RIT2: variants seen among roughly 807,000 people sequenced by gnomAD.
The protein encoded by RIT2 is GTP-binding protein Rit2.
A neutral mutation model predicts 23.7 loss-of-function variants in RIT2; 24 were observed. The observed-to-expected ratio is 1.01, with a 90% CI of 0.73 to 1.43. RIT2 has a LOEUF of 1.43. Ranked by LOEUF, RIT2 falls within the 40% of genes most tolerant of loss-of-function variation. The pLI is 0.00. For synonymous variants in RIT2, 107 were observed against 91.1 expected (o/e 1.17, Z -0.99); for missense variants, 236 against 266.9 (o/e 0.88, Z 0.81).
chr18:43,114,301 T>G (rs1403369102), intron 1 of RIT2, among the ~76,000 whole-genome samples: 1 of 152,110 alleles, frequency 6.6e-6, no homozygotes. Flanking sequence ...ATTTTATGTT[T>G]CTTACTATCT....
chr18:43,061,744 C>T (rs902256219), intron 1 of RIT2, among the ~76,000 whole-genome samples: 1 of 152,096 alleles, frequency 6.6e-6, no homozygotes, highest in Non-Finnish European at 1.5e-5. Flanking sequence ...CAGAAGGAAA[C>T]CCACTTTCAG....
chr18:42,812,593 A>G (rs1287981560), intron 4 of RIT2, among the ~76,000 whole-genome samples: 4 of 152,278 alleles, frequency 2.6e-5, no homozygotes, highest in African/African-American at 7.2e-5. Context: ...TTCCTCTCTC[A>G]GAGACAGAAT....
chr18:42,758,444 C>G (rs1181958470), intron 4 of RIT2, among the ~76,000 whole-genome samples: 4 of 151,990 alleles, frequency 2.6e-5, no homozygotes, highest in Non-Finnish European at 5.9e-5. Flanking sequence ...TTCAATTCCT[C>G]TCCTTTGAAT....
At chr18:42,955,214 T>C (rs1350618338) in intron 3 of RIT2, among the ~76,000 whole-genome samples, 1 of 152,192 alleles carries the variant, frequency 6.6e-6, no homozygotes, top group Non-Finnish European at 1.5e-5. Flanking sequence ...TCAATAATAC[T>C]ACTGTCATTT....
chr18:43,075,023 A>G (rs996455377), intron 1 of RIT2, among the ~76,000 whole-genome samples: 3 of 152,216 alleles, frequency 2.0e-5, no homozygotes, highest in African/African-American at 7.2e-5. Context: ...ACAAACCTGC[A>G]CATCCTGCAC....
intron 2 of RIT2, among the ~76,000 whole-genome samples, chr18:42,982,136 G>A (rs1203578859): frequency 6.6e-6 from 1 of 152,104 alleles, no homozygotes; most frequent in Non-Finnish European, 1.5e-5. Flanking sequence ...TTTTTACATT[G>A]AGTACCAAGA....
At chr18:42,956,530 G>C (rs945704930) in intron 3 of RIT2, among the ~76,000 whole-genome samples, 2 of 152,120 alleles carry the variant, frequency 1.3e-5, no homozygotes, top group African/African-American at 2.4e-5. Context: ...TCGTCGGTTT[G>C]AGAGACGGTG....
chr18:43,101,356 A>C (rs547482714), intron 1 of RIT2, among the ~76,000 whole-genome samples: 1 of 152,208 alleles, frequency 6.6e-6, no homozygotes, highest in East Asian at 1.9e-4. Flanking sequence ...AGTCTTTTTA[A>C]ATTTTTGTCA....
chr18:42,763,408 G>C (rs1913348128), intron 4 of RIT2, among the ~76,000 whole-genome samples: 2 of 150,676 alleles, frequency 1.3e-5, no homozygotes, highest in African/African-American at 4.9e-5. Context: ...CTTGCAGGGA[G>C]CCGAGATTGC....
chr18:43,026,055 T>C (rs1911709701), intron 2 of RIT2, among the ~76,000 whole-genome samples: 1 of 151,880 alleles, frequency 6.6e-6, no homozygotes, highest in Admixed American at 6.6e-5. Flanking sequence ...GAAACAAGGA[T>C]CTAAAATAAT....
rs185173602 is a variant in RIT2 at position 42,953,224 on chromosome 18, A to G, written c.234+20850T>C. ...TTTAAAAGAGAGAGAAAAGAGACAT[A>G]TGCTGACATTCTGCCATGTTTATTT... On this transcript the variant is annotated intron_variant, in intron 3 of 4. Transcript: ENST00000326695. Among the ~76,000 whole-genome samples, 532 of 152,288 alleles carry G rather than the reference A, an allele frequency of 3.5e-3. 2 individuals carry two copies. The highest frequency in any genetic ancestry group is 0.012 in the African/African-American group (504 of 41,578).
At chr18:42,983,114 A>G (rs1402829426) in intron 2 of RIT2, among the ~76,000 whole-genome samples, 1 of 152,188 alleles carries the variant, frequency 6.6e-6, no homozygotes, top group Non-Finnish European at 1.5e-5. Context: ...CAGTTATCAT[A>G]CAGCTACAAT....
intron 2 of RIT2, among the ~76,000 whole-genome samples, chr18:42,990,009 ATGTGTGTGTGTGTGTGTGTG>A (rs5824463): frequency 1.3e-5 from 2 of 148,792 alleles, no homozygotes; most frequent in Admixed American, 1.3e-4. Flanking sequence ...ATTTACAGAT[ATGTGTGTGTGTGTGTGTGTG>A]TGTGTGTGTG....
intron 4 of RIT2, among the ~76,000 whole-genome samples, chr18:42,847,625 A>G (rs934341805): frequency 3.9e-5 from 6 of 152,058 alleles, no homozygotes; most frequent in Non-Finnish European, 8.8e-5. Context: ...TAATCTTTAA[A>G]AACAGATATA....
intron 3 of RIT2, among the ~76,000 whole-genome samples, chr18:42,958,880 C>T (rs1568039860): frequency 1.3e-5 from 2 of 152,256 alleles, no homozygotes; most frequent in South Asian, 4.1e-4. Flanking sequence ...TTTAAAAAGA[C>T]AACCCCACTT....
At chr18:43,077,019 C>T (rs1026612113) in intron 1 of RIT2, among the ~76,000 whole-genome samples, 4 of 142,208 alleles carry the variant, frequency 2.8e-5, no homozygotes, top group Admixed American at 7.5e-5. Flanking sequence ...AGGAGAATGG[C>T]GTGAACCCGG....
intron 4 of RIT2, among the ~76,000 whole-genome samples, chr18:42,744,319 C>T (rs2143871352): frequency 1.3e-5 from 2 of 152,220 alleles, no homozygotes; most frequent in African/African-American, 4.8e-5. Flanking sequence ...ACCTCAGTCA[C>T]ATTTAAAAAT....
chr18:42,981,658 C>G (rs1268280477), intron 2 of RIT2, among the ~76,000 whole-genome samples: 3 of 150,648 alleles, frequency 2.0e-5, no homozygotes, highest in Non-Finnish European at 4.4e-5. Flanking sequence ...AAATAGAATT[C>G]TGGAAAAAAA....
In RIT2 at chr18:42,794,436, G is replaced by C. The variant is rs114077953; in HGVS notation, c.427-50716C>G. Among the ~76,000 whole-genome samples, 708 of 152,252 alleles carry C rather than the reference G, an allele frequency of 4.7e-3. 4 individuals are homozygous for C. Among genetic ancestry groups the C allele is most frequent in the African/African-American group, 0.016 (681 of 41,550 alleles). ...AAGGTATAGATCATTGAATAATCTAGGTTTGACTAATTAGTGAATCAGTTT... is the reference window on the plus strand; with the variant it reads ...AAGGTATAGATCATTGAATAATCTACGTTTGACTAATTAGTGAATCAGTTT... On this transcript the variant is annotated intron_variant, in intron 4 of 4. Coordinates refer to ENST00000326695, the MANE Select transcript of RIT2 (RefSeq NM_002930.4).
Sources: gnomAD v4.1 joint callset for allele counts (sites outside exome capture counted in the v4.1 genomes callset) on GRCh38, gnomAD v4.1.1 for gene constraint, MANE v1.5 for transcripts, NCBI Gene and HGNC (gene_info 2026-07-23, HGNC 2026-07-21) for gene names.